The following ZDHHC21 variants were observed in gnomAD, a reference collection of about 807,000 sequenced individuals.
ZDHHC21 encodes palmitoyltransferase ZDHHC21.
A neutral mutation model predicts 34.6 loss-of-function variants in ZDHHC21; 15 were observed. That is an observed-to-expected ratio of 0.43 (90% confidence interval 0.29 to 0.67). ZDHHC21 has a LOEUF of 0.67. Among genes scored for constraint, ZDHHC21 ranks in the 30% least tolerant of loss-of-function variants. The pLI, the probability that ZDHHC21 is intolerant of heterozygous loss-of-function variation, is 0.14. For synonymous variants in ZDHHC21, 142 were observed against 101.8 expected, an observed-to-expected ratio of 1.40 and a Z score of -2.38; for missense variants, 344 against 327.7, an observed-to-expected ratio of 1.05 and a Z score of -0.38.
In ZDHHC21 at chr9:14,611,548, T is replaced by G. The variant is rs1823301936; in HGVS notation, c.*7418A>C. On this transcript the variant is annotated 3_prime_UTR_variant, in exon 10 of 10. Transcript: ENST00000380916. ...TGAATAATAAAATGCCTGACAAATT[T>G]AAAAACAGGATCTTCTTATGCCACT... 1 of 152,040 alleles carries G rather than the reference T, an allele frequency of 6.6e-6. No individual in the cohort carries two copies. The highest frequency in any genetic ancestry group is 6.6e-5 in the Admixed American group (1 of 15,228). The allele number at this position is 152,040 out of a possible 1,614,324, so 9.4% of individuals were successfully genotyped here. A position where few individuals can be genotyped will look rare whatever the true frequency, so the allele number is the denominator to read the frequency against.
chr9:14,610,490 TC>T (rs775076244), downstream of ZDHHC21, among the ~76,000 whole-genome samples: 1 of 152,018 alleles, frequency 6.6e-6, no homozygotes, highest in Non-Finnish European at 1.5e-5. Context: ...AAATTACTTT[TC>T]TGGTAATAAA....
intron 8 of ZDHHC21, among the ~76,000 whole-genome samples, chr9:14,629,224 A>G (rs73644814): frequency 7.9e-4 from 121 of 152,356 alleles, no homozygotes; most frequent in African/African-American, 2.7e-3. Context: ...ATATGCAGAA[A>G]GAGATGAAAC....
intron 5 of ZDHHC21, among the ~76,000 whole-genome samples, chr9:14,667,428 G>C (rs900708132): frequency 6.6e-6 from 1 of 151,958 alleles, no homozygotes; most frequent in African/African-American, 2.4e-5. Context: ...GGTACAAGGA[G>C]GAACTGATAC....
intron 5 of ZDHHC21, among the ~76,000 whole-genome samples, chr9:14,670,293 C>A (rs1032577499): frequency 6.6e-6 from 1 of 152,082 alleles, no homozygotes; most frequent in Non-Finnish European, 1.5e-5. Flanking sequence ...AGAAAGCCTA[C>A]AATTTTGTAA....
At chr9:14,592,960 T>C in the ZDHHC21 span, among the ~76,000 whole-genome samples, 61 of 152,186 alleles carry the variant, frequency 4.0e-4, no homozygotes, top group South Asian at 1.7e-3. Flanking sequence ...ATAGTTTTAA[T>C]TGAATAAAAA....
chr9:14,649,367 T>G lies in ZDHHC21; in HGVS notation c.505-9355A>C, dbSNP rs1199270337. Among the ~76,000 whole-genome samples, 9 of 152,232 alleles carry G rather than the reference T, an allele frequency of 5.9e-5. No homozygotes were observed. In the East Asian group the frequency reaches 1.7e-3, roughly 29 times the overall value. On this transcript the variant is annotated intron_variant, in intron 7 of 9. Transcript: ENST00000380916. Reference sequence around the variant, plus strand: ...TAACTAAATAACCAACTTCACATGCTGAGGGTAGGTTCATAAGGCAAATAC... The same window carrying G: ...TAACTAAATAACCAACTTCACATGCGGAGGGTAGGTTCATAAGGCAAATAC...
intron 2 of ZDHHC21, among the ~76,000 whole-genome samples, chr9:14,680,407 A>G (rs772406035): frequency 1.3e-4 from 20 of 151,662 alleles, no homozygotes; most frequent in Non-Finnish European, 2.7e-4. Flanking sequence ...TAAGCATTAT[A>G]CTTCCCATAA....
At chr9:14,659,420 A>C (rs1434421359) in intron 6 of ZDHHC21, among the ~76,000 whole-genome samples, 1 of 152,228 alleles carries the variant, frequency 6.6e-6, no homozygotes, top group Non-Finnish European at 1.5e-5. Flanking sequence ...AAATGTATTC[A>C]AAACTATTTA....
chr9:14,654,070 G>C (rs1448316846), intron 7 of ZDHHC21, among the ~76,000 whole-genome samples: 1 of 151,932 alleles, frequency 6.6e-6, no homozygotes, highest in Non-Finnish European at 1.5e-5. Flanking sequence ...TGAATGAAAA[G>C]TCAAGTAGAA....
intron 8 of ZDHHC21, among the ~76,000 whole-genome samples, chr9:14,629,210 A>G (rs1826869809): frequency 6.6e-6 from 1 of 152,198 alleles, no homozygotes; most frequent in Non-Finnish European, 1.5e-5. Flanking sequence ...AGAGGTTACT[A>G]CACATATGCA....
intron 7 of ZDHHC21, among the ~76,000 whole-genome samples, chr9:14,644,866 T>G (rs1339296120): frequency 6.6e-6 from 1 of 151,864 alleles, no homozygotes; most frequent in Non-Finnish European, 1.5e-5. Context: ...TTTGCTTTAG[T>G]CTGTAGAAAT....
intron 7 of ZDHHC21, among the ~76,000 whole-genome samples, chr9:14,655,664 G>A (rs10756595): frequency 0.89 from 134,264 of 151,672 alleles, 59,529 homozygotes; most frequent in South Asian, 0.92. Context: ...CACTTTTGGG[G>A]AAACTATAAA....
At chr9:14,660,163 T>A (rs2133925566) in intron 6 of ZDHHC21, among the ~76,000 whole-genome samples, 1 of 151,980 alleles carries the variant, frequency 6.6e-6, no homozygotes, top group East Asian at 1.9e-4. Context: ...GTTGGGAGTT[T>A]GAGACCAGCC....
intron 2 of ZDHHC21, among the ~76,000 whole-genome samples, chr9:14,689,372 G>C (rs1481795138): frequency 2.0e-5 from 3 of 152,192 alleles, no homozygotes; most frequent in Admixed American, 6.5e-5. Flanking sequence ...TATAATGCAA[G>C]CAGGGATTCT....
At chr9:14,641,604 A>T (rs1829395200) in intron 7 of ZDHHC21, among the ~76,000 whole-genome samples, 1 of 152,132 alleles carries the variant, frequency 6.6e-6, no homozygotes, top group South Asian at 2.1e-4. Flanking sequence ...AACATCTACC[A>T]GCCACCTCAG....
chr9:14,665,801 C>A (rs1301176041), intron 5 of ZDHHC21, among the ~76,000 whole-genome samples: 1 of 147,066 alleles, frequency 6.8e-6, no homozygotes, highest in Non-Finnish European at 1.5e-5. Flanking sequence ...CAAATGCTGA[C>A]CAATTTTGTC....
chr9:14,686,604 ACT>A (rs1480697200), intron 2 of ZDHHC21, among the ~76,000 whole-genome samples: 1 of 152,044 alleles, frequency 6.6e-6, no homozygotes, highest in African/African-American at 2.4e-5. Context: ...CTTTGTTTCT[ACT>A]CTTAACTTTT....
chr9:14,620,222 A>G (rs1825059045), intron 8 of ZDHHC21, among the ~76,000 whole-genome samples: 1 of 152,008 alleles, frequency 6.6e-6, no homozygotes, highest in Admixed American at 6.6e-5. Flanking sequence ...CTTAGCGGAA[A>G]AAATAACTTT....
At chr9:14,589,362 A>G in the ZDHHC21 span, 3 of 152,312 alleles carry the variant, frequency 2.0e-5, no homozygotes, top group South Asian at 2.1e-4. Context: ...TAATCCCTGA[A>G]AAAAAGGAAA....
Sources: gnomAD v4.1 joint callset for allele counts (sites outside exome capture counted in the v4.1 genomes callset) on GRCh38, gnomAD v4.1.1 for gene constraint, MANE v1.5 for transcripts, NCBI Gene and HGNC (gene_info 2026-07-23, HGNC 2026-07-21) for gene names.